The following CWC27 variants were observed in gnomAD, a reference collection of about 807,000 sequenced individuals.
CWC27 encodes the protein spliceosome-associated protein CWC27 homolog.
Under a neutral mutation model 63.6 loss-of-function variants are expected in CWC27, and 47 were observed. The ratio of observed to expected loss-of-function variants is 0.74; its 90% CI spans 0.58 to 0.94. The LOEUF is 0.94. Ranked by LOEUF, CWC27 falls within the 40% of genes least tolerant of loss-of-function variation. The probability of loss-of-function intolerance (pLI) is 0.00; values close to 1 mark genes in which losing one functional copy is unlikely to be tolerated. For synonymous variants in CWC27, 175 were observed against 179.8 expected (o/e 0.97, Z 0.22); for missense variants, 495 against 554.3 (o/e 0.89, Z 1.07).
chr5:65,004,400 G>GT (rs1308653442), intron 13 of CWC27, among the ~76,000 whole-genome samples: 23 of 57,292 alleles, frequency 4.0e-4, no homozygotes, highest in African/African-American at 8.3e-4. Context: ...TTTTTTTTTG[G>GT]TGGGGGGGTG....
At chr5:64,973,512 T>C (rs558860231) in intron 12 of CWC27, among the ~76,000 whole-genome samples, 1 of 152,316 alleles carries the variant, frequency 6.6e-6, no homozygotes, top group African/African-American at 2.4e-5. Context: ...ATTCGTTCTT[T>C]CAGGAAAAGC....
intron 10 of CWC27, among the ~76,000 whole-genome samples, chr5:64,838,457 C>G (rs1745718917): frequency 6.6e-6 from 1 of 152,116 alleles, no homozygotes; most frequent in African/African-American, 2.4e-5. Context: ...TGTCACTGCC[C>G]TTTTTAAGTC....
At position 65,018,240 on chromosome 5, in the gene CWC27, C is replaced by T; in HGVS notation, c.1338C>T (p.Ile446=). The T allele has an allele frequency of 6.2e-7, 1 of 1,607,564 alleles. No individual in the cohort carries two copies. Among genetic ancestry groups the T allele is most frequent in the Non-Finnish European group, 8.5e-7 (1 of 1,177,426 alleles). ...TGCAAGACTCAGATACATTTGAAATCTATGATCCTCGGAATCCAGTGAATA... is the reference window on the plus strand; with the variant it reads ...TGCAAGACTCAGATACATTTGAAATTTATGATCCTCGGAATCCAGTGAATA... ...ASMQDSDTFE[I]YDPRNPVNKR... is the part of the protein sequence containing the mutation. Residue 446 remains isoleucine (I), a synonymous_variant, in exon 14 of 14, where the codon ATC becomes ATT. Transcript: ENST00000381070.
At chr5:64,789,045 C>G (rs765541440) in intron 7 of CWC27, 25 bp downstream of exon 7, 1 of 1,533,874 alleles carries the variant, frequency 6.5e-7, no homozygotes, top group South Asian at 1.2e-5. Context: ...GCCCTTTGTT[C>G]TAACTTACAA....
chr5:64,869,834 GA>G (rs1038473333), intron 10 of CWC27, among the ~76,000 whole-genome samples: 1 of 151,964 alleles, frequency 6.6e-6, no homozygotes, highest in African/African-American at 2.4e-5. Context: ...GGCTAGAGAG[GA>G]AAGAAAACTC....
intron 13 of CWC27, among the ~76,000 whole-genome samples, chr5:65,003,996 C>T (rs1749781962): frequency 6.6e-6 from 1 of 152,084 alleles, no homozygotes; most frequent in African/African-American, 2.4e-5. Context: ...AGGCACCCAC[C>T]ACCACACTCA....
intron 13 of CWC27, among the ~76,000 whole-genome samples, chr5:65,008,238 C>T (rs1032443093): frequency 9.9e-5 from 15 of 152,180 alleles, no homozygotes; most frequent in African/African-American, 3.6e-4. Flanking sequence ...TTTGAGGGTA[C>T]AAGAACTCTC....
At chr5:64,898,125 T>C (rs183273936) in intron 11 of CWC27, among the ~76,000 whole-genome samples, 82 of 152,314 alleles carry the variant, frequency 5.4e-4, no homozygotes, top group African/African-American at 1.9e-3. Flanking sequence ...GGCCACATAA[T>C]GGACCATAAA....
chr5:64,926,910 T>G (rs1748125413), intron 11 of CWC27, among the ~76,000 whole-genome samples: 1 of 152,216 alleles, frequency 6.6e-6, no homozygotes. Context: ...AAAATTAAAC[T>G]TCAATTCAGT....
At chr5:64,987,217 T>C (rs546238078) in intron 13 of CWC27, among the ~76,000 whole-genome samples, 12 of 152,296 alleles carry the variant, frequency 7.9e-5, no homozygotes, top group Admixed American at 3.3e-4. Context: ...ATCTATTGTG[T>C]TTTTGACAGT....
chr5:64,896,363 C>T (rs754897404), intron 11 of CWC27, among the ~76,000 whole-genome samples: 28 of 151,944 alleles, frequency 1.8e-4, no homozygotes, highest in Non-Finnish European at 4.0e-4. Flanking sequence ...GAGTTAGGAA[C>T]ATGGAAAGTG....
At chr5:65,006,858 G>A (rs1749850704) in intron 13 of CWC27, among the ~76,000 whole-genome samples, 1 of 151,814 alleles carries the variant, frequency 6.6e-6, no homozygotes, top group Non-Finnish European at 1.5e-5. Flanking sequence ...TTAATACATG[G>A]ATGATGAAAT....
chr5:64,774,748 C>A lies in CWC27; in HGVS notation c.100C>A (p.Pro34Thr), dbSNP rs141974787. ...IDIELWSKEA[P>T]KACRNFIQLC... ...CATAGAGTTGTGGTCCAAAGAAGCTCCTAAAGCTTGCAGAAATTTTATCCA... is the reference window on the plus strand; with the variant it reads ...CATAGAGTTGTGGTCCAAAGAAGCTACTAAAGCTTGCAGAAATTTTATCCA... The change falls in exon 2 of 14, where the codon CCT becomes ACT. Residue 34 changes from proline to threonine, a missense_variant. Physicochemically the swap from Pro to Thr is conservative, Grantham distance 38. Coordinates refer to ENST00000381070, the MANE Select transcript of CWC27 (RefSeq NM_005869.4). 33 of 1,607,290 alleles carry A rather than the reference C, an allele frequency of 2.1e-5. No individual in the cohort carries two copies. In the African/African-American group the frequency reaches 4.4e-4, roughly 22 times the overall value.
At chr5:64,841,448 A>G (rs1456236994) in intron 10 of CWC27, among the ~76,000 whole-genome samples, 1 of 152,156 alleles carries the variant, frequency 6.6e-6, no homozygotes, top group Non-Finnish European at 1.5e-5. Context: ...GGACATTTAA[A>G]ACATAGCACT....
intron 13 of CWC27, among the ~76,000 whole-genome samples, chr5:64,993,741 G>A (rs888579171): frequency 6.6e-6 from 1 of 151,960 alleles, no homozygotes; most frequent in African/African-American, 2.4e-5. Flanking sequence ...ATTTCTATTG[G>A]AAAGAAAGTT....
Position 64,898,060 on chromosome 5 carries a change from T to C in CWC27, c.1042+12514T>C, listed in dbSNP as rs117171270. Among the ~76,000 whole-genome samples, 24 of 152,322 alleles carry C rather than the reference T, an allele frequency of 1.6e-4. 1 individual carries two copies. The East Asian group carries it at 4.6e-3, about 29-fold the overall frequency. Reference sequence around the variant, plus strand: ...GTTTGATATAATGTACAAAAGGGAATATTGCTTCAGAATACATATTATTTT... The same window carrying C: ...GTTTGATATAATGTACAAAAGGGAACATTGCTTCAGAATACATATTATTTT... On this transcript the variant is annotated intron_variant, in intron 11 of 13. Transcript: ENST00000381070.
chr5:64,846,669 T>A (rs12656894), intron 10 of CWC27, among the ~76,000 whole-genome samples: 53,532 of 151,702 alleles, frequency 0.35, 9,868 homozygotes, highest in East Asian at 0.51. Flanking sequence ...ACAAAAAAAA[T>A]TATTTACCAA....
At chr5:64,807,522 T>C (rs1744725396) in intron 10 of CWC27, 2 of 1,442,540 alleles carry the variant, frequency 1.4e-6, no homozygotes, top group Non-Finnish European at 1.8e-6. Flanking sequence ...CACCCTTATA[T>C]CTATTCTGAC....
Position 65,018,497 on chromosome 5 carries a change from C to T in CWC27, c.*176C>T. 2.0e-6 allele frequency: 1 copy of T among 501,694 alleles called. No homozygotes were observed. The highest frequency in any genetic ancestry group is 3.4e-6 in the Non-Finnish European group (1 of 295,094). 31.1% of individuals were successfully genotyped at this position (501,694 alleles called of 1,614,324 possible). On this transcript the variant is annotated 3_prime_UTR_variant, in exon 14 of 14. Transcript: ENST00000381070. The stretch of plus-strand genomic sequence containing the variant: ...AATTGTGGAATGATGTAAGCAAATG[C>T]TTTTGGTTACTGGTACATGTGTTTT...
Sources: gnomAD v4.1 joint callset for allele counts (sites outside exome capture counted in the v4.1 genomes callset) on GRCh38, gnomAD v4.1.1 for gene constraint, MANE v1.5 for transcripts, NCBI Gene and HGNC (gene_info 2026-07-23, HGNC 2026-07-21) for gene names.